NUDT7: variants seen among roughly 807,000 people sequenced by gnomAD.
NUDT7 encodes the protein nudix hydrolase 7.
A neutral mutation model predicts 13.1 loss-of-function variants in NUDT7; 19 were observed. The observed-to-expected ratio is 1.45, with a 90% CI of 1.01 to 2.13. NUDT7 has a LOEUF of 2.13. NUDT7 is among the 30% of genes most tolerant of loss of function. The probability of loss-of-function intolerance (pLI) is 0.00; values close to 1 mark genes in which losing one functional copy is unlikely to be tolerated. For synonymous variants in NUDT7, 132 were observed against 109.7 expected, an observed-to-expected ratio of 1.20 and a Z score of -1.27; for missense variants, 360 against 291.7, an observed-to-expected ratio of 1.23 and a Z score of -1.71.
chr16:77,735,043 G>T (rs1242864261), intron 2 of NUDT7, among the ~76,000 whole-genome samples: 5 of 152,124 alleles, frequency 3.3e-5, no homozygotes, highest in African/African-American at 1.2e-4. Context: ...TGAGGACCCA[G>T]TGGGAAAAAT....
chr16:77,736,615 A>G (rs774474294), intron 3 of NUDT7: 1 of 218,414 alleles, frequency 4.6e-6, no homozygotes, highest in East Asian at 1.2e-4. Flanking sequence ...TGAGATAACC[A>G]CATCTTATTT....
At position 77,741,622 on chromosome 16, in the gene NUDT7, A is replaced by C; in HGVS notation, c.389A>C (p.His130Pro). 4 of 1,613,344 alleles carry C rather than the reference A, an allele frequency of 2.5e-6. No homozygotes were observed. The highest frequency in any genetic ancestry group is 1.3e-5 in the African/African-American group (1 of 75,044). ...ACTCCATTTGTGGGTTTAATAGACC[A>C]CAACTTCCAGGCCCAGCCGAATCCT... Reference protein sequence around the residue: ...LITPFVGLIDHNFQAQPNPAE... With the variant: ...LITPFVGLIDPNFQAQPNPAE... Residue 130 changes from histidine to proline, a missense_variant, in exon 4 of 4, where the codon CAC (histidine) becomes CCC (proline). Transcript: ENST00000268533.
chr16:77,724,448 TC>T (rs1330224511), intron 1 of NUDT7, among the ~76,000 whole-genome samples: 4 of 151,634 alleles, frequency 2.6e-5, no homozygotes, highest in African/African-American at 9.7e-5. Context: ...TTTTTTTTTT[TC>T]TTTTGTAGAG....
At chr16:77,735,018 C>T (rs1028815597) in intron 2 of NUDT7, among the ~76,000 whole-genome samples, 1 of 152,112 alleles carries the variant, frequency 6.6e-6, no homozygotes, top group African/African-American at 2.4e-5. Flanking sequence ...AAATTAGTAG[C>T]TTATAGGACT....
At chr16:77,737,984 G>A (rs1597118971) in intron 3 of NUDT7, among the ~76,000 whole-genome samples, 1 of 152,142 alleles carries the variant, frequency 6.6e-6, no homozygotes, top group East Asian at 1.9e-4. Context: ...AAAATAGAAA[G>A]GTCAGTACCC....
At chr16:77,725,761 A>C in intron 2 of NUDT7, 177 bp downstream of exon 2, 2 of 609,312 alleles carry the variant, frequency 3.3e-6, no homozygotes, top group Non-Finnish European at 5.7e-6. Flanking sequence ...GAGAAGGTTT[A>C]ACAAGAAAAT....
chr16:77,730,577 T>A (rs1441973732), intron 2 of NUDT7, among the ~76,000 whole-genome samples: 1 of 152,202 alleles, frequency 6.6e-6, no homozygotes, highest in Non-Finnish European at 1.5e-5. Flanking sequence ...AACATGGGTG[T>A]GCAGAGACCT....
chr16:77,732,844 T>G (rs1254355878), intron 2 of NUDT7, among the ~76,000 whole-genome samples: 10 of 152,208 alleles, frequency 6.6e-5, no homozygotes, highest in Non-Finnish European at 1.5e-4. Flanking sequence ...TCAAGCCTGA[T>G]GACTGCTTGG....
chr16:77,735,502 G>C (rs965893001), intron 2 of NUDT7: 1 of 591,698 alleles, frequency 1.7e-6, no homozygotes, highest in Non-Finnish European at 3.0e-6. Flanking sequence ...TACGGCCTGC[G>C]AGACTGTGAG....
At chr16:77,732,339 G>GAAAA in intron 2 of NUDT7, among the ~76,000 whole-genome samples, 1 of 140,100 alleles carries the variant, frequency 7.1e-6, no homozygotes, top group Admixed American at 7.3e-5. Flanking sequence ...AAAAAAAAAA[G>GAAAA]AAAAAGAAAA....
rs554843068 is a variant in NUDT7 at position 77,731,070 on chromosome 16, A to C, written c.190-4758A>C. On this transcript the variant is annotated intron_variant, in intron 2 of 3. Transcript: ENST00000268533. ...TTGAGTGTTTCCTTAGCTGTGCAAAAGCTTTTTAGTTGAAGTAACCCCATG... is the reference window on the plus strand; with the variant it reads ...TTGAGTGTTTCCTTAGCTGTGCAAACGCTTTTTAGTTGAAGTAACCCCATG... 1.5e-4 allele frequency among the ~76,000 whole-genome samples: 23 copies of C among 152,148 alleles called. No individual in the cohort carries two copies. In the South Asian group the frequency reaches 4.8e-3, roughly 32 times the overall value.
At chr16:77,739,839 C>T (rs2014603412) in intron 3 of NUDT7, among the ~76,000 whole-genome samples, 1 of 152,164 alleles carries the variant, frequency 6.6e-6, no homozygotes, top group African/African-American at 2.4e-5. Flanking sequence ...AGTCCTTAAC[C>T]AGTGACTGAC....
At chr16:77,725,213 C>T (rs376706185) in intron 1 of NUDT7, among the ~76,000 whole-genome samples, 31 of 152,280 alleles carry the variant, frequency 2.0e-4, no homozygotes, top group African/African-American at 7.2e-4. Context: ...AACCTGTGTA[C>T]TAAACTGTGT....
At chr16:77,736,645 T>TA (rs1256554624) in intron 3 of NUDT7, 21 of 247,966 alleles carry the variant, frequency 8.5e-5, no homozygotes, top group East Asian at 2.2e-4. Flanking sequence ...TTTTTTTTTT[T>TA]ATAGAGATGG....
At chr16:77,739,048 G>A (rs1019744709) in intron 3 of NUDT7, among the ~76,000 whole-genome samples, 1 of 152,174 alleles carries the variant, frequency 6.6e-6, no homozygotes, top group Non-Finnish European at 1.5e-5. Flanking sequence ...CAGCAACCAC[G>A]AATATTTACT....
intron 2 of NUDT7, among the ~76,000 whole-genome samples, chr16:77,730,276 A>G (rs532251373): frequency 6.6e-6 from 1 of 151,548 alleles, no homozygotes; most frequent in Non-Finnish European, 1.5e-5. Flanking sequence ...CATCTCCCCA[A>G]CCTCCCCCCA....
At chr16:77,740,088 C>G (rs1789011536) in intron 3 of NUDT7, among the ~76,000 whole-genome samples, 6 of 152,088 alleles carry the variant, frequency 3.9e-5, no homozygotes, top group Admixed American at 3.9e-4. Context: ...AAGCATTTCC[C>G]CAATGCCAGG....
chr16:77,731,536 A>G (rs2014318914), intron 2 of NUDT7, among the ~76,000 whole-genome samples: 1 of 152,216 alleles, frequency 6.6e-6, no homozygotes, highest in South Asian at 2.1e-4. Context: ...ATTATGCACA[A>G]TATATAATAC....
intron 2 of NUDT7, among the ~76,000 whole-genome samples, chr16:77,727,588 C>T (rs1284875813): frequency 6.6e-6 from 1 of 152,252 alleles, no homozygotes; most frequent in Non-Finnish European, 1.5e-5. Context: ...TGTGCGGTGG[C>T]TCACGCCTGT....
Sources: gnomAD v4.1 joint callset for allele counts (sites outside exome capture counted in the v4.1 genomes callset) on GRCh38, gnomAD v4.1.1 for gene constraint, MANE v1.5 for transcripts, NCBI Gene and HGNC (gene_info 2026-07-23, HGNC 2026-07-21) for gene names.